Variants in ZNF362 observed in about 807,000 individuals in gnomAD.
ZNF362 encodes rotund homolog.
ZNF362 carries 11 observed loss-of-function variants against 42.9 expected under a neutral mutation model. The observed-to-expected ratio is 0.26, with a 90% CI of 0.16 to 0.42. ZNF362 has a LOEUF of 0.42. ZNF362 is among the 20% of genes least tolerant of loss of function. The pLI, the probability that ZNF362 is intolerant of heterozygous loss-of-function variation, is 1.00. For synonymous variants in ZNF362, 255 were observed against 257.3 expected (o/e 0.99, Z 0.09); for missense variants, 362 against 576.2 (o/e 0.63, Z 3.81).
chr1:33,191,219 T>A, the ZNF362 span, among the ~76,000 whole-genome samples: 1 of 152,202 alleles, frequency 6.6e-6, no homozygotes, highest in Non-Finnish European at 1.5e-5. Flanking sequence ...CTACATTAGA[T>A]CTCTATTTAA....
intron 6 of ZNF362, among the ~76,000 whole-genome samples, chr1:33,282,825 G>C (rs1299005571): frequency 1.6e-5 from 1 of 62,602 alleles, no homozygotes; most frequent in Admixed American, 2.1e-4. Flanking sequence ...TCTGTCTCAA[G>C]AGAAAAAAAA....
chr1:33,161,477 G>C, the ZNF362 span, among the ~76,000 whole-genome samples: 11 of 152,078 alleles, frequency 7.2e-5, no homozygotes, highest in Non-Finnish European at 1.3e-4. The surrounding 1 kb of genome is among the most constrained non-coding windows in gnomAD (Gnocchi z 4.3). Flanking sequence ...GCTCTACAAA[G>C]GCTCAATTAG....
chr1:33,147,355 C>T, the ZNF362 span: 2 of 1,614,082 alleles, frequency 1.2e-6, no homozygotes, highest in Non-Finnish European at 1.7e-6. The surrounding 1 kb of genome is among the most constrained non-coding windows in gnomAD (Gnocchi z 8.1). Context: ...CAGGAAGACA[C>T]CCACCTTGTC....
At chr1:33,140,277 G>A in the ZNF362 span, among the ~76,000 whole-genome samples, 1 of 152,224 alleles carries the variant, frequency 6.6e-6, no homozygotes, top group African/African-American at 2.4e-5. This position sits in a 1 kb window ranked among gnomAD's most constrained non-coding sequence, Gnocchi z 4.0. Context: ...GGTTTACCCA[G>A]GTCTCGACTC....
At chr1:33,272,033 C>G (rs1000109418) in intron 2 of ZNF362, among the ~76,000 whole-genome samples, 1 of 149,044 alleles carries the variant, frequency 6.7e-6, no homozygotes, top group African/African-American at 2.4e-5. Flanking sequence ...GGAACTGAGG[C>G]TGGTGGGAGA....
At position 33,276,513 on chromosome 1, in the gene ZNF362, C is replaced by T; in HGVS notation, c.268C>T (p.Gln90Ter). Residue 90 changes from glutamine (Q) to a stop codon, truncating the protein, a stop_gained, in exon 4 of 9, where the codon CAG becomes TAG. Transcript: ENST00000539719. LOFTEE classifies it high-confidence loss of function. ...QAVMSLPKLQ[Q>*]VPGLHPQAVP... is the part of the protein sequence containing the mutation. ...CGTCATGTCGCTGCCCAAGCTGCAGCAGGTGCCGGGGCTGCATCCACAGGC... is the reference window on the plus strand; with the variant it reads ...CGTCATGTCGCTGCCCAAGCTGCAGTAGGTGCCGGGGCTGCATCCACAGGC... The T allele has an allele frequency of 6.4e-7, 1 of 1,562,360 alleles. No homozygotes were observed. Among genetic ancestry groups the T allele is most frequent in the Non-Finnish European group, 8.6e-7 (1 of 1,158,840 alleles).
intron 1 of ZNF362, among the ~76,000 whole-genome samples, chr1:33,265,037 T>A (rs1305040073): frequency 1.3e-5 from 2 of 151,888 alleles, no homozygotes; most frequent in Non-Finnish European, 2.9e-5. Flanking sequence ...TTGTAAAGTA[T>A]CTTAAGGTGC....
chr1:33,144,788 C>T, the ZNF362 span, among the ~76,000 whole-genome samples: 1 of 152,128 alleles, frequency 6.6e-6, no homozygotes, highest in Non-Finnish European at 1.5e-5. Context: ...CTAGGTGGTT[C>T]CATACCCGTC....
chr1:33,227,555 T>G, the ZNF362 span, among the ~76,000 whole-genome samples: 51 of 152,134 alleles, frequency 3.4e-4, no homozygotes, highest in Non-Finnish European at 6.3e-4. Flanking sequence ...ATGACTCCAG[T>G]CCCCAGCCAC....
At chr1:33,219,132 T>C in the ZNF362 span, among the ~76,000 whole-genome samples, 134,716 of 152,174 alleles carry the variant, frequency 0.89, 61,072 homozygotes, top group Non-Finnish European at 0.98. Flanking sequence ...GCTCTGAAGT[T>C]AGACTGGAGT....
chr1:33,227,958 T>C, the ZNF362 span, among the ~76,000 whole-genome samples: 3 of 152,304 alleles, frequency 2.0e-5, no homozygotes, highest in African/African-American at 7.2e-5. Flanking sequence ...CTAGAACACC[T>C]GCATTGACAC....
At chr1:33,148,337 A>C in the ZNF362 span, among the ~76,000 whole-genome samples, 4 of 152,214 alleles carry the variant, frequency 2.6e-5, no homozygotes, top group African/African-American at 9.6e-5. Context: ...TATAAACATG[A>C]AATTTTTTTT....
In ZNF362 at chr1:33,262,350, G is replaced by T. The variant is rs371155284; in HGVS notation, c.-89+5696G>T. The stretch of plus-strand genomic sequence containing the variant: ...GATGGAATCTTGCTCTGTCCCCCAG[G>T]CTGGAGTGCAGTAGCGCGATCTCCC... On this transcript the variant is annotated intron_variant, in intron 1 of 8. Coordinates refer to ENST00000539719, the MANE Select transcript of ZNF362 (RefSeq NM_152493.3). 3.7e-3 allele frequency among the ~76,000 whole-genome samples: 365 copies of T among 99,810 alleles called. 3 individuals are homozygous for T. Among genetic ancestry groups the T allele is most frequent in the African/African-American group, 0.011 (267 of 24,586 alleles). 65.5% of individuals were successfully genotyped at this position (99,810 alleles called of 152,430 possible). A position where few individuals can be genotyped will look rare whatever the true frequency, so the allele number is the denominator to read the frequency against.
chr1:33,225,304 C>T, the ZNF362 span, among the ~76,000 whole-genome samples: 2 of 152,108 alleles, frequency 1.3e-5, no homozygotes, highest in African/African-American at 4.8e-5. Context: ...CATCCTTCTT[C>T]CTGAAATTAT....
At chr1:33,150,028 C>T in the ZNF362 span, among the ~76,000 whole-genome samples, 1 of 152,220 alleles carries the variant, frequency 6.6e-6, no homozygotes, top group East Asian at 1.9e-4. Context: ...CTTAGCAGGT[C>T]TGACTAAAAA....
chr1:33,156,632 C>T, the ZNF362 span, among the ~76,000 whole-genome samples: 1 of 152,160 alleles, frequency 6.6e-6, no homozygotes, highest in Non-Finnish European at 1.5e-5. Context: ...TTTCTATCCG[C>T]CCCCACTTCC....
the ZNF362 span, among the ~76,000 whole-genome samples, chr1:33,246,626 C>G: frequency 6.6e-6 from 1 of 152,222 alleles, no homozygotes; most frequent in African/African-American, 2.4e-5. Context: ...AGGGAAGCCT[C>G]TGCTATTTCT....
the ZNF362 span, among the ~76,000 whole-genome samples, chr1:33,220,127 G>T: frequency 6.6e-6 from 1 of 152,258 alleles, no homozygotes; most frequent in Non-Finnish European, 1.5e-5. Context: ...GGCCCCGGAG[G>T]CTGTGGGCTT....
intron 1 of ZNF362, among the ~76,000 whole-genome samples, chr1:33,256,877 C>T (rs1217829644): frequency 6.7e-5 from 10 of 149,936 alleles, no homozygotes; most frequent in Non-Finnish European, 1.0e-4. Context: ...AAGTGTCTCC[C>T]GCGGCGTGTC....
Sources: gnomAD v4.1 joint callset for allele counts (sites outside exome capture counted in the v4.1 genomes callset) on GRCh38, gnomAD v4.1.1 for gene constraint, Gnocchi (gnomAD v3.1) non-coding constraint, MANE v1.5 for transcripts, NCBI Gene and HGNC (gene_info 2026-07-23, HGNC 2026-07-21) for gene names.